The following NUP85 variants were observed in gnomAD, a reference collection of about 807,000 sequenced individuals.
The protein encoded by NUP85 is nucleoporin 85.
In NUP85, 23 loss-of-function variants were observed where a neutral mutation model predicts 92.8. The ratio of observed to expected loss-of-function variants is 0.25; its 90% CI spans 0.18 to 0.35. The LOEUF is 0.35. Ranked by LOEUF, NUP85 falls within the 10% of genes least tolerant of loss-of-function variation. The pLI is 1.00. For synonymous variants in NUP85, 314 were observed against 306.9 expected (o/e 1.02, Z -0.24); for missense variants, 759 against 822.8 (o/e 0.92, Z 0.95).
At chr17:75,217,482 A>G (rs2145307532) in intron 6 of NUP85, among the ~76,000 whole-genome samples, 1 of 152,012 alleles carries the variant, frequency 6.6e-6, no homozygotes, top group African/African-American at 2.4e-5. Context: ...GATTACAGAC[A>G]TGAACTACCA....
chr17:75,206,124 T>A (rs2075072324), intron 1 of NUP85, among the ~76,000 whole-genome samples: 1 of 152,140 alleles, frequency 6.6e-6, no homozygotes, highest in South Asian at 2.1e-4. Context: ...AATTTATATT[T>A]TTATTCCAGC....
At chr17:75,232,732 G>A (rs1432825177) in intron 14 of NUP85, 119 bp from the exon 15 acceptor site, 1 of 847,400 alleles carries the variant, frequency 1.2e-6, no homozygotes, top group Non-Finnish European at 2.0e-6. Flanking sequence ...TGCATTTAGA[G>A]CCCAAAGAGT....
intron 16 of NUP85, 70 bp downstream of exon 16, chr17:75,233,228 G>T (rs962724907): frequency 5.7e-6 from 7 of 1,232,468 alleles, no homozygotes; most frequent in African/African-American, 1.5e-5. Context: ...GAGGGATCAC[G>T]TCAGACTTCT....
Position 75,217,803 on chromosome 17 carries a change from C to T in NUP85, c.476-382C>T, listed in dbSNP as rs1219410081. Among the ~76,000 whole-genome samples the T allele has an allele frequency of 2.0e-5, 3 of 152,324 alleles. No homozygotes were observed. In the East Asian group the frequency reaches 5.8e-4, roughly 29 times the overall value. On this transcript the variant is annotated intron_variant, in intron 6 of 18. Coordinates refer to ENST00000245544, the MANE Select transcript of NUP85 (RefSeq NM_024844.5). ...ATTCCAGGTGTGCACCACCAGCCCC[C>T]TGGCCCTATGTTTTTATCATCATTG...
rs57106942 is a variant in NUP85, at chr17:75,212,469, GTTT to G, written c.361+432_361+434del. 3.3e-3 allele frequency among the ~76,000 whole-genome samples: 257 copies of G among 77,438 alleles called. 5 individuals carry two copies. The highest frequency in any genetic ancestry group is 0.014 in the African/African-American group (242 of 17,654). 50.8% of individuals were successfully genotyped at this position (77,438 alleles called of 152,430 possible). ...ACAGGAGTCAGCCACTGTGCCTGGA[GTTT>G]TTTTTTTTTTTTTTTTTTTTTTTTG... On this transcript the variant is annotated intron_variant, in intron 4 of 18. Coordinates refer to ENST00000245544, the MANE Select transcript of NUP85 (RefSeq NM_024844.5).
chr17:75,219,318 C>A (rs560173487), intron 7 of NUP85, among the ~76,000 whole-genome samples: 1 of 152,310 alleles, frequency 6.6e-6, no homozygotes, highest in East Asian at 1.9e-4. Flanking sequence ...GCTTTGCGGC[C>A]TGGGCGGGAG....
At chr17:75,225,300 G>T (rs776653251) in intron 8 of NUP85, 42 bp from the exon 9 acceptor site, 1 of 1,613,508 alleles carries the variant, frequency 6.2e-7, no homozygotes, top group South Asian at 1.1e-5. Flanking sequence ...AAATATAAAG[G>T]GTGTGGATGG....
chr17:75,213,210 G>T, intron 5 of NUP85, 91 bp downstream of exon 5: 3 of 1,111,490 alleles, frequency 2.7e-6, no homozygotes, highest in South Asian at 2.7e-5. Context: ...TGTTATGGCA[G>T]AAGTCTCTTC....
intron 5 of NUP85, 28 bp downstream of exon 5, chr17:75,213,147 G>C (rs747589418): frequency 6.2e-7 from 1 of 1,610,500 alleles, no homozygotes; most frequent in Non-Finnish European, 8.5e-7. Flanking sequence ...TATTGTTTTA[G>C]CACCACTGTG....
intron 16 of NUP85, among the ~76,000 whole-genome samples, chr17:75,233,554 T>C (rs956211891): frequency 8.7e-5 from 13 of 150,234 alleles, no homozygotes; most frequent in Admixed American, 5.4e-4. Context: ...CCCAAGTAGC[T>C]GGGATTACAG....
chr17:75,224,979 T>G (rs1871270), intron 7 of NUP85, 124 bp from the exon 8 acceptor site: 899,368 of 904,138 alleles, frequency 0.99, 447,470 homozygotes, highest in East Asian at 1. Flanking sequence ...CAGACTCAGG[T>G]GCAGAAAGAA....
chr17:75,205,814 G>T lies in NUP85; in HGVS notation c.33+20G>T, dbSNP rs374202452. On this transcript the variant is annotated intron_variant, in intron 1 of 18. Transcript: ENST00000245544. ...GTCACTGTAAGGGTACCCCGAACAG[G>T]CTTGCTCGTCCTTGCGGGTTGAGAA... 69 of 1,613,720 alleles carry T rather than the reference G, an allele frequency of 4.3e-5. No homozygotes were observed. The highest frequency in any genetic ancestry group is 5.6e-5 in the Non-Finnish European group (66 of 1,179,782).
At chr17:75,213,253 C>A in intron 5 of NUP85, 134 bp downstream of exon 5, 1 of 701,348 alleles carries the variant, frequency 1.4e-6, no homozygotes, top group Non-Finnish European at 2.5e-6. Flanking sequence ...CTTTGGGTGA[C>A]AGTGATTGTC....
rs1302500828 is a variant in NUP85 at position 75,231,468 on chromosome 17, C to G, written c.1178+45C>G. Reference sequence around the variant, plus strand: ...CGATCCTCCTCTTCTTACCACCAGGCCCCCGAGGGTGGTGTGAACTGAATG... The same window carrying G: ...CGATCCTCCTCTTCTTACCACCAGGGCCCCGAGGGTGGTGTGAACTGAATG... On this transcript the variant is annotated intron_variant, in intron 12 of 18. Coordinates refer to ENST00000245544, the MANE Select transcript of NUP85 (RefSeq NM_024844.5). The surrounding 1 kb of genome is among the most constrained non-coding windows in gnomAD (Gnocchi z 4.6). The G allele has an allele frequency of 6.2e-7, 1 of 1,607,388 alleles. No individual in the cohort carries two copies. The highest frequency in any genetic ancestry group is 1.3e-5 in the African/African-American group (1 of 74,790).
At chr17:75,224,114 C>A (rs932694020) in intron 7 of NUP85, among the ~76,000 whole-genome samples, 2 of 152,072 alleles carry the variant, frequency 1.3e-5, no homozygotes, top group African/African-American at 4.8e-5. Flanking sequence ...GGCACAATCT[C>A]AGCTCACTGC....
chr17:75,224,900 G>A (rs1472047876), intron 7 of NUP85, among the ~76,000 whole-genome samples: 1 of 152,098 alleles, frequency 6.6e-6, no homozygotes. Context: ...CATAGTGGAG[G>A]TGACAAAGCC....
In NUP85 at chr17:75,226,189, T is replaced by C. The variant is rs777313608; in HGVS notation, c.1094+32T>C. 1.9e-6 allele frequency: 3 copies of C among 1,571,544 alleles called. No homozygotes were observed. In the South Asian group the frequency reaches 3.3e-5, roughly 17 times the overall value. On this transcript the variant is annotated intron_variant, in intron 11 of 18. Transcript: ENST00000245544. ...TCTCTCCCACCCCCCACTGTAACCA[T>C]TTTTAGGTGTACAAATATCACCACC...
At chr17:75,225,000 G>C (rs766022788) in intron 7 of NUP85, 103 bp from the exon 8 acceptor site, 3 of 1,209,822 alleles carry the variant, frequency 2.5e-6, no homozygotes, top group Non-Finnish European at 3.4e-6. Flanking sequence ...GCCTGTGTGT[G>C]AAGAGTTAAA....
At chr17:75,235,068 G>A (rs987429304) in intron 17 of NUP85, 32 bp from the exon 18 acceptor site, 16 of 1,563,940 alleles carry the variant, frequency 1.0e-5, no homozygotes, top group Non-Finnish European at 1.3e-5. Context: ...CAGGGCTGGG[G>A]GCAGCCAAGC....
Sources: gnomAD v4.1 joint callset for allele counts (sites outside exome capture counted in the v4.1 genomes callset) on GRCh38, gnomAD v4.1.1 for gene constraint, Gnocchi (gnomAD v3.1) non-coding constraint, MANE v1.5 for transcripts, NCBI Gene and HGNC (gene_info 2026-07-23, HGNC 2026-07-21) for gene names.